Variants in AKAP19 observed in about 807,000 individuals in gnomAD.
AKAP19 encodes A-kinase anchoring protein 19.
At chr2:190,081,199 T>G in the AKAP19 span, among the ~76,000 whole-genome samples, 4 of 144,684 alleles carry the variant, frequency 2.8e-5, no homozygotes, top group Non-Finnish European at 4.5e-5. Flanking sequence ...CCAACCCCCA[T>G]CCCCCCATCC....
At chr2:190,054,826 C>A in the AKAP19 span, among the ~76,000 whole-genome samples, 30 of 152,272 alleles carry the variant, frequency 2.0e-4, no homozygotes, top group Admixed American at 7.2e-4. Context: ...AGTCAGGAAA[C>A]AACAGGTGCT....
At chr2:189,945,625 AT>A in the AKAP19 span, among the ~76,000 whole-genome samples, 1 of 152,216 alleles carries the variant, frequency 6.6e-6, no homozygotes, top group Non-Finnish European at 1.5e-5. Context: ...AATAGAATGA[AT>A]TTTTTAAAAG....
At chr2:190,103,280 C>T in the AKAP19 span, among the ~76,000 whole-genome samples, 1 of 152,278 alleles carries the variant, frequency 6.6e-6, no homozygotes, top group Non-Finnish European at 1.5e-5. Flanking sequence ...AGAAGTGGAA[C>T]AAGACAAGGA....
At chr2:189,940,922 C>T in the AKAP19 span, among the ~76,000 whole-genome samples, 1 of 152,076 alleles carries the variant, frequency 6.6e-6, no homozygotes, top group African/African-American at 2.4e-5. Flanking sequence ...CCAGAGAATA[C>T]CAAATTTGTT....
At chr2:190,067,944 G>C in the AKAP19 span, among the ~76,000 whole-genome samples, 2 of 152,078 alleles carry the variant, frequency 1.3e-5, no homozygotes, top group Non-Finnish European at 2.9e-5. Context: ...GCTCATGCCT[G>C]TATCACAGCA....
At chr2:190,058,351 A>G in the AKAP19 span, among the ~76,000 whole-genome samples, 3 of 152,044 alleles carry the variant, frequency 2.0e-5, no homozygotes, top group African/African-American at 7.2e-5. Flanking sequence ...TGATCATTAA[A>G]ATTCTACCTA....
chr2:189,991,682 C>T, the AKAP19 span, among the ~76,000 whole-genome samples: 1 of 152,136 alleles, frequency 6.6e-6, no homozygotes, highest in African/African-American at 2.4e-5. Context: ...TTTTGATGTG[C>T]AGAAGCTTTT....
the AKAP19 span, chr2:190,150,347 G>A: frequency 7.9e-5 from 12 of 152,250 alleles, no homozygotes; most frequent in Non-Finnish European, 1.3e-4. Context: ...GTGGTGCCAG[G>A]CAGGAATGGC....
At chr2:189,940,839 C>T in the AKAP19 span, among the ~76,000 whole-genome samples, 9 of 151,684 alleles carry the variant, frequency 5.9e-5, no homozygotes, top group Non-Finnish European at 1.0e-4. Flanking sequence ...TGCAGTGAGC[C>T]GAGATCGTGC....
At chr2:190,100,786 C>G in the AKAP19 span, among the ~76,000 whole-genome samples, 1 of 152,032 alleles carries the variant, frequency 6.6e-6, no homozygotes, top group South Asian at 2.1e-4. Context: ...AGCTTTAATT[C>G]AAGAAGGAAA....
chr2:190,115,303 T>TATATA, the AKAP19 span, among the ~76,000 whole-genome samples: 12 of 5,414 alleles, frequency 2.2e-3, no homozygotes, highest in Admixed American at 3.1e-3. Flanking sequence ...ATATATATAT[T>TATATA]TTTTTTTTTT....
the AKAP19 span, among the ~76,000 whole-genome samples, chr2:190,145,088 C>T: frequency 6.6e-3 from 1,009 of 152,184 alleles, 10 homozygotes; most frequent in African/African-American, 0.023. Context: ...AGTTCAAGAC[C>T]AGCCTGGGCA....
At chr2:189,981,869 T>C in the AKAP19 span, among the ~76,000 whole-genome samples, 1 of 152,200 alleles carries the variant, frequency 6.6e-6, no homozygotes, top group Middle Eastern at 3.2e-3. Context: ...CTGAGAAGTC[T>C]ACTGTTAGTC....
the AKAP19 span, among the ~76,000 whole-genome samples, chr2:190,117,014 A>G: frequency 6.6e-6 from 1 of 152,224 alleles, no homozygotes; most frequent in Non-Finnish European, 1.5e-5. Flanking sequence ...CATGAGACTC[A>G]CTAATGGTAT....
chr2:189,977,968 C>T, the AKAP19 span, among the ~76,000 whole-genome samples: 2 of 152,206 alleles, frequency 1.3e-5, no homozygotes, highest in Admixed American at 1.3e-4. Flanking sequence ...AGCTGTTCAA[C>T]ACTTTATTAT....
At chr2:190,088,045 T>C in the AKAP19 span, among the ~76,000 whole-genome samples, 1 of 152,102 alleles carries the variant, frequency 6.6e-6, no homozygotes, top group Admixed American at 6.6e-5. Flanking sequence ...ACAGAGATCA[T>C]CCCTGAAACA....
chr2:190,091,547 A>AACACACACACACACACACACACACAC, the AKAP19 span, among the ~76,000 whole-genome samples: 164 of 150,506 alleles, frequency 1.1e-3, no homozygotes, highest in Middle Eastern at 0.01. Flanking sequence ...TCTTTTGTTA[A>AACACACACACACACACACACACACAC]ACACACACAC....
At chr2:189,975,159 T>G in the AKAP19 span, among the ~76,000 whole-genome samples, 1 of 152,146 alleles carries the variant, frequency 6.6e-6, no homozygotes, top group East Asian at 1.9e-4. Context: ...TTCAGGAACT[T>G]TTGTAGGGCA....
chr2:189,897,797 A>G, the AKAP19 span, among the ~76,000 whole-genome samples: 3 of 152,224 alleles, frequency 2.0e-5, no homozygotes, highest in African/African-American at 7.2e-5. Context: ...ATAAACAAAT[A>G]ATCTTTATTT....
Sources: gnomAD v4.1 joint callset for allele counts (sites outside exome capture counted in the v4.1 genomes callset) on GRCh38, gnomAD v4.1.1 for gene constraint, MANE v1.5 for transcripts, NCBI Gene and HGNC (gene_info 2026-07-23, HGNC 2026-07-21) for gene names.